Variants in INSR observed in about 807,000 individuals in gnomAD.
The protein encoded by INSR is IR.
INSR carries 67 observed loss-of-function variants against 142.6 expected under a neutral mutation model. That is an observed-to-expected ratio of 0.47 (90% confidence interval 0.39 to 0.58). The LOEUF is 0.58. Among genes scored for constraint, INSR ranks in the 20% least tolerant of loss-of-function variants. The probability of loss-of-function intolerance (pLI) is 0.00; values close to 1 mark genes in which losing one functional copy is unlikely to be tolerated. For synonymous variants in INSR, 756 were observed against 743.1 expected (o/e 1.02, Z -0.28); for missense variants, 1,248 against 1,833.2 (o/e 0.68, Z 5.83).
chr19:7,181,144 C>A (rs1974264882), intron 3 of INSR, among the ~76,000 whole-genome samples: 1 of 152,126 alleles, frequency 6.6e-6, no homozygotes, highest in African/African-American at 2.4e-5. Context: ...TGGGGTTTCA[C>A]CATGTTGGTC....
chr19:7,219,444 A>G (rs1975530009), intron 2 of INSR, among the ~76,000 whole-genome samples: 1 of 130,210 alleles, frequency 7.7e-6, no homozygotes, highest in Non-Finnish European at 1.6e-5. Flanking sequence ...TCAGTTATAC[A>G]GAGAGAAAGA....
At chr19:7,154,136 G>A (rs1973524016) in intron 9 of INSR, among the ~76,000 whole-genome samples, 2 of 151,538 alleles carry the variant, frequency 1.3e-5, no homozygotes, top group Non-Finnish European at 2.9e-5. Flanking sequence ...ACTCCAGCCT[G>A]GGTGACAGAG....
chr19:7,183,441 G>A (rs760991838), intron 3 of INSR, among the ~76,000 whole-genome samples: 11 of 152,070 alleles, frequency 7.2e-5, no homozygotes, highest in South Asian at 2.1e-4. Flanking sequence ...TGACTCTGTC[G>A]AAGAGAGAAA....
chr19:7,293,592 G>C (rs906071339), intron 1 of INSR, among the ~76,000 whole-genome samples, 200 bp downstream of exon 1: 4 of 152,168 alleles, frequency 2.6e-5, no homozygotes, highest in Admixed American at 6.5e-5. Context: ...GCAGGGCGCG[G>C]AGGCGCGAGC....
intron 3 of INSR, among the ~76,000 whole-genome samples, chr19:7,180,068 C>T (rs8110377): frequency 0.19 from 28,868 of 152,108 alleles, 3,031 homozygotes; most frequent in South Asian, 0.22. Context: ...AACCATCAGC[C>T]GTAGCTAAAC....
chr19:7,199,410 T>G (rs1974887077), intron 2 of INSR, among the ~76,000 whole-genome samples: 1 of 151,712 alleles, frequency 6.6e-6, no homozygotes, highest in South Asian at 2.1e-4. Context: ...ATTTGTTTGT[T>G]TGTTTGAAAC....
At chr19:7,156,550 G>A (rs548759941) in intron 9 of INSR, among the ~76,000 whole-genome samples, 1 of 152,218 alleles carries the variant, frequency 6.6e-6, no homozygotes, top group South Asian at 2.1e-4. Flanking sequence ...CAGAGATGCT[G>A]CTGAGCACCC....
At position 7,150,679 on chromosome 19, in the gene INSR, G is replaced by A. The variant is rs1045474032; in HGVS notation, c.2232-147C>T. On this transcript the variant is annotated intron_variant, in intron 10 of 21. Coordinates refer to ENST00000302850, the MANE Select transcript of INSR (RefSeq NM_000208.4). This position sits in a 1 kb window ranked among gnomAD's most constrained non-coding sequence, Gnocchi z 4.2. ...ACTCGCTCCCATCACTTGCTAGACG[G>A]AGTGAGCTACATCTTCCCCAGCAGG... 5.4e-6 allele frequency: 4 copies of A among 743,758 alleles called. No individual in the cohort carries two copies. Among genetic ancestry groups the A allele is most frequent in the Admixed American group, 2.0e-5 (1 of 49,458 alleles). 46.1% of individuals were successfully genotyped at this position (743,758 alleles called of 1,614,324 possible).
At chr19:7,243,780 T>C (rs1359750127) in intron 2 of INSR, among the ~76,000 whole-genome samples, 1 of 152,056 alleles carries the variant, frequency 6.6e-6, no homozygotes, top group African/African-American at 2.4e-5. Context: ...ACCTAGCAAA[T>C]CGAATTCAAC....
chr19:7,237,377 C>T (rs1459272955), intron 2 of INSR, among the ~76,000 whole-genome samples: 3 of 151,514 alleles, frequency 2.0e-5, no homozygotes, highest in South Asian at 2.1e-4. Flanking sequence ...ATTAGCCGGG[C>T]GTGGTGGCAG....
chr19:7,178,786 C>T (rs1395808883), intron 3 of INSR, among the ~76,000 whole-genome samples: 1 of 152,148 alleles, frequency 6.6e-6, no homozygotes, highest in East Asian at 1.9e-4. Flanking sequence ...AGCTGGTGGA[C>T]ACACCAGTAT....
intron 2 of INSR, among the ~76,000 whole-genome samples, chr19:7,266,992 G>T (rs993680127): frequency 6.6e-6 from 1 of 152,084 alleles, no homozygotes; most frequent in African/African-American, 2.4e-5. Context: ...TAGCACAGGC[G>T]GTGGCAAACT....
chr19:7,119,670 A>G lies in INSR; in HGVS notation c.3660-87T>C, dbSNP rs1042557031. 113 of 1,434,346 alleles carry G rather than the reference A, an allele frequency of 7.9e-5. No individual in the cohort carries two copies. The highest frequency in any genetic ancestry group is 1.4e-4 in the Admixed American group (8 of 58,248). The allele number at this position is 1,434,346 out of a possible 1,614,324, so 88.9% of individuals were successfully genotyped here. The stretch of plus-strand genomic sequence containing the variant: ...CGCGCAAACACACACACGCAAACGC[A>G]CACACACACGCAAACACACATGCCA... On this transcript the variant is annotated intron_variant, in intron 20 of 21. Coordinates refer to ENST00000302850, the MANE Select transcript of INSR (RefSeq NM_000208.4). This position sits in a 1 kb window ranked among gnomAD's most constrained non-coding sequence, Gnocchi z 5.2.
rs536753203 is a variant in INSR at position 7,143,274 on chromosome 19, C to A, written c.2268-184G>T. 2.8e-4 allele frequency among the ~76,000 whole-genome samples: 42 copies of A among 152,240 alleles called. No homozygotes were observed. In the South Asian group the frequency reaches 8.5e-3, roughly 31 times the overall value. On this transcript the variant is annotated intron_variant, in intron 11 of 21. Coordinates refer to ENST00000302850, the MANE Select transcript of INSR (RefSeq NM_000208.4). ...CCACTCAGAGCAGCTTTCAATATAC[C>A]CTTGTGAGCATCTGAAGGATTAGAG...
intron 2 of INSR, among the ~76,000 whole-genome samples, chr19:7,232,707 G>A (rs1020606937): frequency 5.3e-5 from 8 of 151,818 alleles, no homozygotes; most frequent in Non-Finnish European, 1.0e-4. Context: ...CTACTTGGGA[G>A]GCTGAGGCAG....
At chr19:7,255,089 A>C (rs931551234) in intron 2 of INSR, among the ~76,000 whole-genome samples, 1 of 147,468 alleles carries the variant, frequency 6.8e-6, no homozygotes, top group African/African-American at 2.5e-5. Flanking sequence ...CGTTATCTTC[A>C]CCACTCAAGA....
intron 2 of INSR, among the ~76,000 whole-genome samples, chr19:7,197,934 T>A (rs1974826963): frequency 7.2e-6 from 1 of 138,716 alleles, no homozygotes; most frequent in South Asian, 2.1e-4. Context: ...TGTGTGTGTG[T>A]GTGTGTGTGT....
chr19:7,128,784 A>C, intron 15 of INSR, 68 bp downstream of exon 15: 1 of 1,032,896 alleles, frequency 9.7e-7, no homozygotes, highest in South Asian at 1.3e-5. Flanking sequence ...GCCTATACCT[A>C]TATCAAGGCA....
intron 15 of INSR, among the ~76,000 whole-genome samples, chr19:7,127,288 G>A (rs1972669573): frequency 6.6e-6 from 1 of 152,170 alleles, no homozygotes; most frequent in Non-Finnish European, 1.5e-5. Flanking sequence ...CATCCCGACT[G>A]ATGAGAAACA....
Sources: gnomAD v4.1 joint callset for allele counts (sites outside exome capture counted in the v4.1 genomes callset) on GRCh38, gnomAD v4.1.1 for gene constraint, Gnocchi (gnomAD v3.1) non-coding constraint, MANE v1.5 for transcripts, NCBI Gene and HGNC (gene_info 2026-07-23, HGNC 2026-07-21) for gene names.